The following TBC1D12 variants were observed in gnomAD, a reference collection of about 807,000 sequenced individuals.
The protein encoded by TBC1D12 is TBC1 domain family, member 12.
Under a neutral mutation model 86.7 loss-of-function variants are expected in TBC1D12, and 56 were observed. The observed-to-expected ratio is 0.65, with a 90% CI of 0.52 to 0.81. The LOEUF (loss-of-function observed/expected upper bound fraction) is 0.81. TBC1D12 is among the 30% of genes least tolerant of loss of function. The pLI is 0.00. For missense variants in TBC1D12, 1,023 were observed against 1,038.8 expected (o/e 0.98, Z 0.21); for synonymous variants, 421 against 411.7 (o/e 1.02, Z -0.27).
chr10:94,405,423 A>ATT (rs2054840838), intron 1 of TBC1D12, among the ~76,000 whole-genome samples: 1 of 152,172 alleles, frequency 6.6e-6, no homozygotes, highest in Non-Finnish European at 1.5e-5. Flanking sequence ...GAAAATCCTA[A>ATT]TTTTTTGTTA....
intron 1 of TBC1D12, among the ~76,000 whole-genome samples, chr10:94,403,936 C>T (rs1023883858): frequency 6.6e-6 from 1 of 152,132 alleles, no homozygotes; most frequent in African/African-American, 2.4e-5. Context: ...AAGCAGATAA[C>T]CATCTCCGTC....
Position 94,533,528 on chromosome 10 carries a change from A to T in TBC1D12, c.*432A>T, listed in dbSNP as rs1203021982. 6.5e-6 allele frequency: 1 copy of T among 153,886 alleles called. No homozygotes were observed. The highest frequency in any genetic ancestry group is 6.5e-5 in the Admixed American group (1 of 15,312). The allele number at this position is 153,886 out of a possible 1,614,324, so 9.5% of individuals were successfully genotyped here. On this transcript the variant is annotated 3_prime_UTR_variant, in exon 13 of 13. Coordinates refer to ENST00000225235, the MANE Select transcript of TBC1D12 (RefSeq NM_015188.2). ...AGTACAGACATTGTTTCCAGTTCTG[A>T]CCTTTTGAAGATATTATAGACCAGT...
intron 1 of TBC1D12, among the ~76,000 whole-genome samples, chr10:94,404,602 T>A (rs1280748960): frequency 6.7e-6 from 1 of 149,064 alleles, no homozygotes; most frequent in Non-Finnish European, 1.5e-5. Context: ...ACCTAGATCG[T>A]GCCATTGCAC....
chr10:94,505,277 G>T (rs542772304), intron 6 of TBC1D12, among the ~76,000 whole-genome samples: 6 of 152,188 alleles, frequency 3.9e-5, no homozygotes, highest in South Asian at 2.1e-4. Flanking sequence ...GATGGAGCCA[G>T]GCATAAATAA....
chr10:94,426,178 G>A (rs2055143346), intron 1 of TBC1D12, among the ~76,000 whole-genome samples: 1 of 152,006 alleles, frequency 6.6e-6, no homozygotes. Context: ...CATTGGCTAG[G>A]GCTTTCAGTA....
rs556562872 is a variant in TBC1D12, at chr10:94,407,985, G to A, written c.971+4401G>A. Reference sequence around the variant, plus strand: ...TGTCTCTTAAAAAAAGTTCTAAACCGTTTTTGTGGGTTCTTCAAGTAAATT... The same window carrying A: ...TGTCTCTTAAAAAAAGTTCTAAACCATTTTTGTGGGTTCTTCAAGTAAATT... On this transcript the variant is annotated intron_variant, in intron 1 of 12. Transcript: ENST00000225235. 3.5e-3 allele frequency among the ~76,000 whole-genome samples: 536 copies of A among 152,236 alleles called. 6 individuals are homozygous for A. In the South Asian group the frequency reaches 0.041, roughly 12 times the overall value.
intron 3 of TBC1D12, among the ~76,000 whole-genome samples, chr10:94,489,236 A>G (rs1437555934): frequency 6.6e-6 from 1 of 152,144 alleles, no homozygotes; most frequent in African/African-American, 2.4e-5. Flanking sequence ...TGCTCCCTCC[A>G]TGGGCAGGTG....
chr10:94,474,435 C>A (rs576001820), intron 2 of TBC1D12, among the ~76,000 whole-genome samples: 26 of 151,866 alleles, frequency 1.7e-4, no homozygotes, highest in African/African-American at 6.0e-4. Context: ...TCAAGTAATC[C>A]TGCCACCTCG....
chr10:94,482,928 A>T (rs1049358734), intron 3 of TBC1D12, among the ~76,000 whole-genome samples: 1 of 151,924 alleles, frequency 6.6e-6, no homozygotes, highest in Non-Finnish European at 1.5e-5. Context: ...CTGGCTATTT[A>T]CTTAACATCA....
chr10:94,423,433 C>T (rs2055104655), intron 1 of TBC1D12, among the ~76,000 whole-genome samples: 2 of 151,008 alleles, frequency 1.3e-5, no homozygotes, highest in Non-Finnish European at 2.9e-5. Context: ...CTGCAACCTC[C>T]GCCTCCCAGG....
intron 2 of TBC1D12, among the ~76,000 whole-genome samples, chr10:94,448,712 T>G (rs988259489): frequency 2.6e-5 from 4 of 151,972 alleles, no homozygotes; most frequent in Non-Finnish European, 4.4e-5. Context: ...CTCCTGGGCT[T>G]AAGTTATCCT....
At chr10:94,474,273 C>G (rs1169760734) in intron 2 of TBC1D12, among the ~76,000 whole-genome samples, 1 of 151,856 alleles carries the variant, frequency 6.6e-6, no homozygotes, top group Non-Finnish European at 1.5e-5. Flanking sequence ...TTCTGTCTTT[C>G]CTTCTCTTAC....
At chr10:94,525,720 TA>T (rs1421595664) in intron 11 of TBC1D12, among the ~76,000 whole-genome samples, 1 of 151,520 alleles carries the variant, frequency 6.6e-6, no homozygotes, top group East Asian at 1.9e-4. Context: ...TAACAATGTA[TA>T]TTACATTTTC....
At chr10:94,438,067 A>C (rs1290497634) in intron 1 of TBC1D12, among the ~76,000 whole-genome samples, 1 of 120,380 alleles carries the variant, frequency 8.3e-6, no homozygotes, top group African/African-American at 3.2e-5. Flanking sequence ...GGGCTTCCTC[A>C]GGGAAGATTT....
At chr10:94,499,553 G>A (rs1221803802) in intron 5 of TBC1D12, among the ~76,000 whole-genome samples, 1 of 152,136 alleles carries the variant, frequency 6.6e-6, no homozygotes, top group Non-Finnish European at 1.5e-5. Context: ...CTCGACTGGA[G>A]GGTTGGGGAT....
At chr10:94,468,102 C>G (rs999282465) in intron 2 of TBC1D12, among the ~76,000 whole-genome samples, 2 of 152,124 alleles carry the variant, frequency 1.3e-5, no homozygotes, top group Non-Finnish European at 2.9e-5. Flanking sequence ...CTTTATAGCA[C>G]TTGAGTATAA....
intron 6 of TBC1D12, among the ~76,000 whole-genome samples, chr10:94,503,286 G>T (rs905045143): frequency 6.6e-6 from 1 of 152,132 alleles, no homozygotes; most frequent in African/African-American, 2.4e-5. Context: ...TCCCTCAAAA[G>T]AGATTAAAAT....
intron 11 of TBC1D12, among the ~76,000 whole-genome samples, chr10:94,523,289 AAT>A (rs1336182290): frequency 1.3e-5 from 2 of 151,232 alleles, no homozygotes; most frequent in Non-Finnish European, 2.9e-5. Context: ...AATTGGGAAT[AAT>A]ATTATCTTTA....
At chr10:94,525,887 G>A (rs1842275679) in intron 11 of TBC1D12, among the ~76,000 whole-genome samples, 2 of 151,972 alleles carry the variant, frequency 1.3e-5, no homozygotes, top group African/African-American at 2.4e-5. Context: ...ATAATGTATA[G>A]TGATGAGATC....
Sources: allele counts gnomAD v4.1 joint callset (sites outside exome capture counted in the v4.1 genomes callset), GRCh38; gene constraint gnomAD v4.1.1; transcripts MANE v1.5; gene names NCBI Gene and HGNC (gene_info 2026-07-23, HGNC 2026-07-21).